The following RAB27B variants were observed in gnomAD, a reference collection of about 807,000 sequenced individuals.
RAB27B encodes ras-related protein Rab-27B.
In RAB27B, 15 loss-of-function variants were observed where a neutral mutation model predicts 24.6. That is an observed-to-expected ratio of 0.61 (90% confidence interval 0.41 to 0.94). The LOEUF is 0.94. Ranked by LOEUF, RAB27B falls within the 40% of genes least tolerant of loss-of-function variation. RAB27B has a pLI of 0.00. For missense variants in RAB27B, 261 were observed against 266.8 expected (o/e 0.98, Z 0.15); for synonymous variants, 105 against 92.5 (o/e 1.14, Z -0.78).
intron 2 of RAB27B, among the ~76,000 whole-genome samples, chr18:54,728,791 GC>G (rs1909625699): frequency 7.2e-6 from 1 of 138,068 alleles, no homozygotes; most frequent in South Asian, 2.4e-4. Flanking sequence ...CAGGAGAATT[GC>G]TTTAACCAGG....
intron 1 of RAB27B, among the ~76,000 whole-genome samples, chr18:54,850,355 T>TACAC (rs1911522375): frequency 1.4e-5 from 2 of 138,650 alleles, no homozygotes; most frequent in African/African-American, 5.6e-5. Context: ...TATATATATA[T>TACAC]ATATACATAC....
At chr18:54,844,952 A>C (rs1453236715) in intron 1 of RAB27B, among the ~76,000 whole-genome samples, 1 of 152,154 alleles carries the variant, frequency 6.6e-6, no homozygotes, top group Non-Finnish European at 1.5e-5. Context: ...CATCATCAAC[A>C]CTAGAAATAT....
chr18:54,784,476 C>CAGTGTCT (rs1447337408), intron 2 of RAB27B, among the ~76,000 whole-genome samples: 2 of 152,120 alleles, frequency 1.3e-5, no homozygotes, highest in Non-Finnish European at 2.9e-5. Context: ...TTGGAGTTCT[C>CAGTGTCT]AGTGTCTATT....
At chr18:54,766,182 C>A (rs547509596) in intron 2 of RAB27B, among the ~76,000 whole-genome samples, 2 of 152,244 alleles carry the variant, frequency 1.3e-5, no homozygotes, top group East Asian at 1.9e-4. Context: ...ACTTCATCAT[C>A]TTCATGGTAG....
At chr18:54,820,702 C>A (rs1910281364) in intron 2 of RAB27B, among the ~76,000 whole-genome samples, 1 of 152,140 alleles carries the variant, frequency 6.6e-6, no homozygotes, top group African/African-American at 2.4e-5. Flanking sequence ...ATGCCTATGT[C>A]CTGAATGGTA....
At chr18:54,862,031 G>C (rs1358767475) in intron 1 of RAB27B, among the ~76,000 whole-genome samples, 1 of 145,720 alleles carries the variant, frequency 6.9e-6, no homozygotes, top group African/African-American at 2.5e-5. Context: ...TGGAGTCCTG[G>C]CAGAAAGGAT....
intron 2 of RAB27B, among the ~76,000 whole-genome samples, chr18:54,776,293 C>A (rs757846909): frequency 4.6e-5 from 7 of 152,204 alleles, no homozygotes; most frequent in Non-Finnish European, 8.8e-5. Flanking sequence ...ACCAAGTAAA[C>A]CAAACCTTTT....
rs778270578 is a variant in RAB27B at position 54,810,461 on chromosome 18, T to C, written c.-19-67106T>C. Among the ~76,000 whole-genome samples the C allele has an allele frequency of 2.0e-4, 30 of 152,112 alleles. 1 individual carries two copies. Among genetic ancestry groups the C allele is most frequent in the Admixed American group, 3.9e-4 (6 of 15,270 alleles). On this transcript the variant is annotated intron_variant, in intron 2 of 4. Coordinates refer to the RAB27B transcript ENST00000586570. Reference sequence around the variant, plus strand: ...GAGATTGTGAACTTGTCTGAGTTAATATAGTTCTGAAATTTAAATTCAGGA... The same window carrying C: ...GAGATTGTGAACTTGTCTGAGTTAACATAGTTCTGAAATTTAAATTCAGGA...
chr18:54,771,688 C>A (rs1488939660), intron 2 of RAB27B, among the ~76,000 whole-genome samples: 1 of 151,716 alleles, frequency 6.6e-6, no homozygotes, highest in Admixed American at 6.6e-5. Context: ...ATCAAAAGAA[C>A]TCCTTCACAT....
upstream of RAB27B, among the ~76,000 whole-genome samples, chr18:54,827,800 T>C (rs973127305): frequency 2.6e-5 from 4 of 152,212 alleles, no homozygotes; most frequent in Non-Finnish European, 5.9e-5. Flanking sequence ...TGTCTGAATG[T>C]GTCTAAAATG....
intron 1 of RAB27B, among the ~76,000 whole-genome samples, chr18:54,848,403 T>C: frequency 6.6e-6 from 1 of 152,310 alleles, no homozygotes; most frequent in East Asian, 1.9e-4. Flanking sequence ...GGAAAAATCA[T>C]GGAATTTATT....
chr18:54,773,988 A>G (rs1908637286), intron 2 of RAB27B, among the ~76,000 whole-genome samples: 1 of 152,092 alleles, frequency 6.6e-6, no homozygotes, highest in Non-Finnish European at 1.5e-5. Flanking sequence ...GAGACAATCT[A>G]CTTTCTACCA....
intron 2 of RAB27B, among the ~76,000 whole-genome samples, chr18:54,754,416 A>G (rs1907939398): frequency 1.3e-5 from 2 of 152,212 alleles, no homozygotes; most frequent in African/African-American, 4.8e-5. Context: ...GACTAATAGA[A>G]TTAGCTATAT....
At chr18:54,887,929 A>T in intron 4 of RAB27B, 66 bp from the exon 5 acceptor site, 1 of 1,550,494 alleles carries the variant, frequency 6.4e-7, no homozygotes, top group Non-Finnish European at 8.8e-7. Context: ...AATCTGGAAT[A>T]AGAGCAGTCA....
In RAB27B at chr18:54,858,390, T is replaced by G. The variant is rs939934780; in HGVS notation, c.-19-19177T>G. Among the ~76,000 whole-genome samples, 75 of 149,504 alleles carry G rather than the reference T, an allele frequency of 5.0e-4. 1 individual carries two copies. The highest frequency in any genetic ancestry group is 1.5e-3 in the African/African-American group (59 of 40,470). On this transcript the variant is annotated intron_variant, in intron 1 of 5. Transcript: ENST00000262094. ...AGCAGGAAAACTGTTTTTTTTTTTT[T>G]TTTTTTTTTTTTGAGACGGAGTCTC...
intron 2 of RAB27B, among the ~76,000 whole-genome samples, chr18:54,790,298 G>C (rs1909209242): frequency 4.6e-5 from 7 of 152,220 alleles, no homozygotes; most frequent in Admixed American, 3.9e-4. Flanking sequence ...CTTAGCAGCA[G>C]TATTTAGAGA....
chr18:54,795,225 C>T (rs1017010903), intron 2 of RAB27B, among the ~76,000 whole-genome samples: 1 of 151,542 alleles, frequency 6.6e-6, no homozygotes, highest in African/African-American at 2.4e-5. Flanking sequence ...CCGCCCTAGA[C>T]TAGGAAGTAG....
intron 2 of RAB27B, among the ~76,000 whole-genome samples, chr18:54,782,980 CAG>C (rs1466338870): frequency 2.0e-5 from 3 of 150,916 alleles, no homozygotes; most frequent in Non-Finnish European, 4.4e-5. Flanking sequence ...TTCTTTGAGA[CAG>C]AGTCTCACTC....
At chr18:54,740,780 G>C (rs1402203042) in intron 2 of RAB27B, among the ~76,000 whole-genome samples, 1 of 152,142 alleles carries the variant, frequency 6.6e-6, no homozygotes, top group Non-Finnish European at 1.5e-5. Flanking sequence ...TATATAGCAG[G>C]CTCTCACTAA....
Sources: gnomAD v4.1 joint callset for allele counts (sites outside exome capture counted in the v4.1 genomes callset) on GRCh38, gnomAD v4.1.1 for gene constraint, MANE v1.5 for transcripts, NCBI Gene and HGNC (gene_info 2026-07-23, HGNC 2026-07-21) for gene names.